The following PARL variants were observed in gnomAD, a reference collection of about 807,000 sequenced individuals.
PARL encodes presenilin-associated rhomboid-like protein, mitochondrial.
In PARL, 44 loss-of-function variants were observed where a neutral mutation model predicts 51.6. That is an observed-to-expected ratio of 0.85 (90% confidence interval 0.67 to 1.10). PARL has a LOEUF of 1.10. Ranked by LOEUF, PARL falls within the 50% of genes least tolerant of loss-of-function variation. PARL has a pLI of 0.00. For synonymous variants in PARL, 172 were observed against 164.0 expected, an observed-to-expected ratio of 1.05 and a Z score of -0.37; for missense variants, 441 against 469.5, an observed-to-expected ratio of 0.94 and a Z score of 0.56.
intron 4 of PARL, among the ~76,000 whole-genome samples, chr3:183,852,368 C>T (rs1560398510): frequency 6.6e-6 from 1 of 151,946 alleles, no homozygotes; most frequent in African/African-American, 2.4e-5. Flanking sequence ...ACCATTAAAA[C>T]GCTATGCTAT....
chr3:183,876,977 C>T (rs1232499620), intron 1 of PARL, among the ~76,000 whole-genome samples: 3 of 152,278 alleles, frequency 2.0e-5, no homozygotes, highest in Admixed American at 6.5e-5. Context: ...CCTGGGAGGC[C>T]GAGGCGGGCG....
Position 183,884,764 on chromosome 3 carries a change from T to A in PARL, c.83A>T (p.Glu28Val). ...GASVGGRSCEELTAVLTPPQL... is the reference protein window; with the variant it reads ...GASVGGRSCEVLTAVLTPPQL... ...CGGCGGGGTTAGGACCGCAGTGAGC[T>A]CCTCGCAGCTGCGGCCGCCCACCGA... Residue 28 changes from glutamate (E) to valine (V), a missense_variant, in exon 1 of 10, where the codon GAG becomes GTG. By Grantham distance (121) the Glu-to-Val change is moderately radical. Transcript: ENST00000317096. 6.3e-7 allele frequency: 1 copy of A among 1,581,644 alleles called. No homozygotes were observed. The highest frequency in any genetic ancestry group is 8.6e-7 in the Non-Finnish European group (1 of 1,168,510).
At chr3:183,880,440 TG>T (rs1359112992) in intron 1 of PARL, among the ~76,000 whole-genome samples, 1 of 152,138 alleles carries the variant, frequency 6.6e-6, no homozygotes, top group African/African-American at 2.4e-5. Flanking sequence ...TTGCTCCTGC[TG>T]CCCAGGTTGG....
intron 2 of PARL, 31 bp downstream of exon 2, chr3:183,867,834 G>T (rs752317534): frequency 1.7e-5 from 25 of 1,494,510 alleles, no homozygotes; most frequent in Non-Finnish European, 2.1e-5. Flanking sequence ...TTCTAGCAAG[G>T]TAGGTAACTC....
At position 183,874,507 on chromosome 3, in the gene PARL, C is replaced by T. The variant is rs146086969; in HGVS notation, c.126-6447G>A. On this transcript the variant is annotated intron_variant, in intron 1 of 9. Coordinates refer to ENST00000317096, the MANE Select transcript of PARL (RefSeq NM_018622.7). ...CACTGCAACCTCCACCTCTCGGGTG[C>T]AAGCGATTCTCCTGCCTCAGCCTCC... Among the ~76,000 whole-genome samples, 546 of 151,408 alleles carry T rather than the reference C, an allele frequency of 3.6e-3. 2 individuals carry two copies. The highest frequency in any genetic ancestry group is 0.013 in the African/African-American group (523 of 41,210).
intron 9 of PARL, among the ~76,000 whole-genome samples, chr3:183,831,038 G>A (rs911084160): frequency 2.6e-5 from 4 of 152,126 alleles, no homozygotes; most frequent in African/African-American, 7.2e-5. Context: ...GTGCAGTGGC[G>A]TGATCTCAGC....
chr3:183,844,188 T>C, intron 5 of PARL, 43 bp downstream of exon 5: 2 of 1,276,676 alleles, frequency 1.6e-6, no homozygotes, highest in Non-Finnish European at 2.3e-6. Context: ...ATTTCTTTCA[T>C]ATTATTTCTA....
At chr3:183,862,849 T>G (rs774355989) in intron 3 of PARL, 48 bp from the exon 4 acceptor site, 1 of 1,492,328 alleles carries the variant, frequency 6.7e-7, no homozygotes, top group Non-Finnish European at 9.4e-7. Context: ...AATTTCAGGC[T>G]ACAAAAATGA....
At chr3:183,869,534 A>C (rs946388989) in intron 1 of PARL, among the ~76,000 whole-genome samples, 2 of 152,028 alleles carry the variant, frequency 1.3e-5, no homozygotes, top group African/African-American at 4.8e-5. Context: ...AGGGATAATA[A>C]TGTATATTAT....
chr3:183,881,493 T>C (rs1319991882), intron 1 of PARL, among the ~76,000 whole-genome samples: 1 of 152,260 alleles, frequency 6.6e-6, no homozygotes, highest in Non-Finnish European at 1.5e-5. Flanking sequence ...TTAATGTTTA[T>C]GTTACTCAAG....
At chr3:183,868,474 G>A (rs944554442) in intron 1 of PARL, among the ~76,000 whole-genome samples, 7 of 151,876 alleles carry the variant, frequency 4.6e-5, no homozygotes, top group African/African-American at 1.5e-4. Flanking sequence ...TCAGTGGTAC[G>A]ATCATGGCTC....
chr3:183,829,657 C>T lies in PARL; in HGVS notation c.1081G>A (p.Val361Met), dbSNP rs1458491525. 1.2e-6 allele frequency: 2 copies of T among 1,614,178 alleles called. No homozygotes were observed. The highest frequency in any genetic ancestry group is 1.7e-6 in the Non-Finnish European group (2 of 1,180,040). ...ELIWKNREPL[V>M]KIWHEIRTNG... ...GTCCTTATTTCATGCCAGATTTTCA[C>T]TAGCGGCTCCCTGTTCTTCCAAATC... Residue 361 changes from valine (V) to methionine (M), a missense_variant, in exon 10 of 10, where the codon GTG becomes ATG. Transcript: ENST00000317096.
chr3:183,863,108 T>A (rs1463799606), intron 3 of PARL, among the ~76,000 whole-genome samples: 1 of 152,134 alleles, frequency 6.6e-6, no homozygotes. Flanking sequence ...TCACAAGGAA[T>A]AACAATAATG....
chr3:183,834,895 A>C lies in PARL; in HGVS notation c.829-1070T>G, dbSNP rs972728381. 3.3e-5 allele frequency among the ~76,000 whole-genome samples: 5 copies of C among 150,334 alleles called. No individual in the cohort carries two copies. The South Asian group carries it at 1.1e-3, about 32-fold the overall frequency. On this transcript the variant is annotated intron_variant, in intron 7 of 9. Coordinates refer to ENST00000317096, the MANE Select transcript of PARL (RefSeq NM_018622.7). Reference sequence around the variant, plus strand: ...GTCTCTACTAAAAATACAAAAAAAAAAAAAAAAAAAAAAATTAGCTGGGCG... The same window carrying C: ...GTCTCTACTAAAAATACAAAAAAAACAAAAAAAAAAAAAATTAGCTGGGCG...
intron 1 of PARL, among the ~76,000 whole-genome samples, chr3:183,874,982 A>G (rs577994211): frequency 1.3e-5 from 2 of 152,202 alleles, no homozygotes; most frequent in East Asian, 1.9e-4. Flanking sequence ...TGAGGCAGGA[A>G]GATCACTTGA....
chr3:183,865,180 C>T (rs899021225), intron 3 of PARL, among the ~76,000 whole-genome samples: 13 of 152,122 alleles, frequency 8.5e-5, no homozygotes, highest in Admixed American at 5.9e-4. Flanking sequence ...TGGTGGCACA[C>T]GCCTGTAGTC....
At chr3:183,853,368 G>A (rs1378793340) in intron 4 of PARL, among the ~76,000 whole-genome samples, 1 of 152,116 alleles carries the variant, frequency 6.6e-6, no homozygotes, top group African/African-American at 2.4e-5. Flanking sequence ...TTCGAGACCA[G>A]CCTGGCCAAC....
Position 183,882,223 on chromosome 3 carries a change from ATATATATATATATATATATATT to A in PARL, c.125+2477_125+2498del, listed in dbSNP as rs1240062179. Among the ~76,000 whole-genome samples, 87 of 35,378 alleles carry A rather than the reference ATATATATATATATATATATATT, an allele frequency of 2.5e-3. 9 individuals carry two copies. Among genetic ancestry groups the A allele is most frequent in the African/African-American group, 8.6e-3 (79 of 9,134 alleles). The allele number at this position is 35,378 out of a possible 152,430, so 23.2% of individuals were successfully genotyped here. On this transcript the variant is annotated intron_variant, in intron 1 of 9. Transcript: ENST00000317096. The stretch of plus-strand genomic sequence containing the variant: ...TGTCTCTAAAAAAAAAAAAAAAAAA[ATATATATATATATATATATATT>A]TATATATATATATATATATATATTT...
At chr3:183,884,664 T>C (rs1734921630) in intron 1 of PARL, 58 bp downstream of exon 1, 1 of 1,544,348 alleles carries the variant, frequency 6.5e-7, no homozygotes, top group Non-Finnish European at 8.8e-7. Flanking sequence ...CCCCCGAGGA[T>C]ACACGGCCAG....
Sources: allele counts gnomAD v4.1 joint callset (sites outside exome capture counted in the v4.1 genomes callset), GRCh38; gene constraint gnomAD v4.1.1; transcripts MANE v1.5; gene names NCBI Gene and HGNC (gene_info 2026-07-23, HGNC 2026-07-21).